Variants in CPQ observed in about 807,000 individuals in gnomAD.
CPQ encodes the protein carboxypeptidase Q, also known as Ser-Met dipeptidase.
A neutral mutation model predicts 45.7 loss-of-function variants in CPQ; 37 were observed. The ratio of observed to expected loss-of-function variants is 0.81; its 90% CI spans 0.62 to 1.07. The LOEUF (loss-of-function observed/expected upper bound fraction) is 1.07, where lower values mean the gene tolerates loss of function less well. Ranked by LOEUF, CPQ falls within the 50% of genes least tolerant of loss-of-function variation. The pLI is 0.00. For synonymous variants in CPQ, 186 were observed against 205.8 expected, an observed-to-expected ratio of 0.90 and a Z score of 0.82; for missense variants, 537 against 572.9, an observed-to-expected ratio of 0.94 and a Z score of 0.64.
At chr8:97,026,878 T>C (rs1809807320) in intron 5 of CPQ, among the ~76,000 whole-genome samples, 1 of 152,260 alleles carries the variant, frequency 6.6e-6, no homozygotes, top group Non-Finnish European at 1.5e-5. Context: ...GCACACAAAA[T>C]CTATACGGAT....
At chr8:96,667,505 C>A (rs757333795) in intron 1 of CPQ, among the ~76,000 whole-genome samples, 15 of 151,894 alleles carry the variant, frequency 9.9e-5, no homozygotes, top group Non-Finnish European at 2.2e-4. Flanking sequence ...TGTGCCACCA[C>A]GCCTGGCTAA....
chr8:96,728,437 A>G (rs974546561), intron 1 of CPQ, among the ~76,000 whole-genome samples: 5 of 152,018 alleles, frequency 3.3e-5, no homozygotes, highest in African/African-American at 1.2e-4. Context: ...CTCTTGTCCT[A>G]ATGGATTGGT....
rs1027711783 is a variant in CPQ at position 96,706,443 on chromosome 8, A to AG, written c.-35+61044dup. 6.8e-4 allele frequency among the ~76,000 whole-genome samples: 104 copies of AG among 152,094 alleles called. 1 individual carries two copies. Among genetic ancestry groups the AG allele is most frequent in the African/African-American group, 2.3e-3 (97 of 41,524 alleles). ...TGGAGAAGAGTGCAGTTAGCCCTTGAGGGTTGGGGGTGAATGTGTTAAGGG... is the reference window on the plus strand; with the variant it reads ...TGGAGAAGAGTGCAGTTAGCCCTTGAGGGGTTGGGGGTGAATGTGTTAAGGG... On this transcript the variant is annotated intron_variant, in intron 1 of 7. Coordinates refer to ENST00000220763, the MANE Select transcript of CPQ (RefSeq NM_016134.4).
At chr8:96,731,565 A>G (rs1809913475) in intron 1 of CPQ, among the ~76,000 whole-genome samples, 1 of 152,214 alleles carries the variant, frequency 6.6e-6, no homozygotes, top group African/African-American at 2.4e-5. Flanking sequence ...TCACTGCTGA[A>G]TGCTAAGGGA....
chr8:96,987,826 ATTT>A (rs1449871664), intron 5 of CPQ, among the ~76,000 whole-genome samples: 3 of 152,186 alleles, frequency 2.0e-5, no homozygotes, highest in Non-Finnish European at 4.4e-5. Flanking sequence ...TTATTTAATA[ATTT>A]TTTCAAGCGG....
intron 7 of CPQ, among the ~76,000 whole-genome samples, chr8:97,096,922 C>T (rs952459957): frequency 3.9e-5 from 6 of 152,172 alleles, no homozygotes; most frequent in East Asian, 1.9e-4. Flanking sequence ...GCCTTCTGTC[C>T]GTACCTATTT....
chr8:97,140,891 A>G (rs1273298955), intron 7 of CPQ, among the ~76,000 whole-genome samples: 1 of 152,028 alleles, frequency 6.6e-6, no homozygotes, highest in Non-Finnish European at 1.5e-5. Context: ...GAAAGCCCCA[A>G]AATAAACATA....
At chr8:97,023,811 C>G (rs1809750236) in intron 5 of CPQ, among the ~76,000 whole-genome samples, 1 of 152,164 alleles carries the variant, frequency 6.6e-6, no homozygotes, top group South Asian at 2.1e-4. Context: ...TCCCACTGCC[C>G]CTGAATTGTC....
intron 4 of CPQ, among the ~76,000 whole-genome samples, chr8:96,933,369 T>C (rs1373178777): frequency 6.6e-6 from 1 of 152,160 alleles, no homozygotes; most frequent in African/African-American, 2.4e-5. Context: ...CCTCCTGTAG[T>C]AAATGGTTAG....
At chr8:96,894,197 T>C (rs1431771150) in intron 4 of CPQ, among the ~76,000 whole-genome samples, 1 of 152,178 alleles carries the variant, frequency 6.6e-6, no homozygotes, top group Non-Finnish European at 1.5e-5. Context: ...CTGGCCAATA[T>C]TTTGACCACA....
chr8:97,044,722 G>C (rs1225700401), intron 6 of CPQ, among the ~76,000 whole-genome samples: 2 of 152,302 alleles, frequency 1.3e-5, no homozygotes, highest in East Asian at 1.9e-4. Context: ...CTCAGCTGCA[G>C]GTCTGTTGGA....
intron 7 of CPQ, among the ~76,000 whole-genome samples, chr8:97,123,080 A>T (rs1461415939): frequency 6.0e-5 from 6 of 99,614 alleles, no homozygotes; most frequent in Non-Finnish European, 1.2e-4. Flanking sequence ...ATAAAATAAA[A>T]TAAATAAAAT....
chr8:96,988,441 C>T (rs1037509884), intron 5 of CPQ, among the ~76,000 whole-genome samples: 46 of 152,086 alleles, frequency 3.0e-4, no homozygotes, highest in African/African-American at 1.1e-3. Context: ...AAAAAATGTA[C>T]TATTTGTAAG....
intron 4 of CPQ, among the ~76,000 whole-genome samples, chr8:96,913,540 T>C (rs948136155): frequency 5.3e-5 from 8 of 152,308 alleles, no homozygotes; most frequent in African/African-American, 1.9e-4. Context: ...TTCAGTGTTT[T>C]GGCCCTCCAC....
At chr8:96,715,933 G>A (rs1185522264) in intron 1 of CPQ, among the ~76,000 whole-genome samples, 1 of 152,232 alleles carries the variant, frequency 6.6e-6, no homozygotes, top group Non-Finnish European at 1.5e-5. Context: ...CTGTCCTCAA[G>A]TCTCTGAGCA....
chr8:96,976,812 C>A (rs920347787), intron 5 of CPQ, among the ~76,000 whole-genome samples: 3 of 152,134 alleles, frequency 2.0e-5, no homozygotes, highest in Non-Finnish European at 4.4e-5. Context: ...GAGAATGAAA[C>A]TGGATCCTCA....
chr8:97,133,566 G>A (rs886074940), intron 7 of CPQ, among the ~76,000 whole-genome samples: 1 of 152,176 alleles, frequency 6.6e-6, no homozygotes, highest in Non-Finnish European at 1.5e-5. Flanking sequence ...GAGAATATCA[G>A]TAAGATGTTA....
At position 96,652,669 on chromosome 8, in the gene CPQ, A is replaced by G. The variant is rs1036849510; in HGVS notation, c.-35+7267A>G. On this transcript the variant is annotated intron_variant, in intron 1 of 7. Transcript: ENST00000220763. ...TTTGTTTGAGACGGAGTCTTGCTCT[A>G]TCGCCCAAGCTGGAGTGCAGTGGCG... Among the ~76,000 whole-genome samples the G allele has an allele frequency of 6.6e-4, 100 of 152,208 alleles. 3 individuals carry two copies. The highest frequency in any genetic ancestry group is 2.1e-4 in the South Asian group (1 of 4,818).
intron 4 of CPQ, among the ~76,000 whole-genome samples, 170 bp from the exon 5 acceptor site, chr8:96,965,765 A>G (rs1401745610): frequency 6.6e-6 from 1 of 152,182 alleles, no homozygotes; most frequent in Non-Finnish European, 1.5e-5. Flanking sequence ...CCCTTATACA[A>G]TTCCTCAATA....
Sources: gnomAD v4.1 joint callset for allele counts (sites outside exome capture counted in the v4.1 genomes callset) on GRCh38, gnomAD v4.1.1 for gene constraint, MANE v1.5 for transcripts, NCBI Gene and HGNC (gene_info 2026-07-23, HGNC 2026-07-21) for gene names.